The following SLC30A7 variants were observed in gnomAD, a reference collection of about 807,000 sequenced individuals.
SLC30A7 encodes solute carrier family 30 member 7.
A neutral mutation model predicts 46.0 loss-of-function variants in SLC30A7; 35 were observed. The observed-to-expected ratio is 0.76, with a 90% CI of 0.58 to 1.01. The LOEUF is 1.01. Ranked by LOEUF, SLC30A7 falls within the 50% of genes least tolerant of loss-of-function variation. The pLI is 0.00. For missense variants in SLC30A7, 464 were observed against 451.1 expected, an observed-to-expected ratio of 1.03 and a Z score of -0.26; for synonymous variants, 147 against 157.8, an observed-to-expected ratio of 0.93 and a Z score of 0.51.
intron 8 of SLC30A7, among the ~76,000 whole-genome samples, chr1:100,925,725 T>A (rs968107679): frequency 9.2e-5 from 14 of 152,180 alleles, no homozygotes; most frequent in African/African-American, 3.4e-4. Flanking sequence ...TTTTTATTTT[T>A]AAAGAGGACT....
intron 2 of SLC30A7, among the ~76,000 whole-genome samples, chr1:100,900,316 G>C (rs1423235887): frequency 6.6e-6 from 1 of 152,154 alleles, no homozygotes; most frequent in Non-Finnish European, 1.5e-5. Flanking sequence ...TAATGTCTTT[G>C]TGTTAACAAA....
At chr1:100,896,443 C>A (rs1342489203) in intron 1 of SLC30A7, 101 bp downstream of exon 1, 1 of 1,440,352 alleles carries the variant, frequency 6.9e-7, no homozygotes, top group Non-Finnish European at 9.8e-7. Flanking sequence ...GTCAAAAACT[C>A]CCCGTCAACC....
intron 10 of SLC30A7, among the ~76,000 whole-genome samples, chr1:100,968,023 T>C (rs1338182793): frequency 6.6e-6 from 1 of 152,170 alleles, no homozygotes; most frequent in Non-Finnish European, 1.5e-5. Flanking sequence ...ATGTTTAATT[T>C]TCAAATGTTT....
rs1334969887 is a variant in SLC30A7, at chr1:100,976,367, A to T, written c.*1510A>T. The T allele has an allele frequency of 2.0e-5, 3 of 152,194 alleles. No homozygotes were observed. The highest frequency in any genetic ancestry group is 7.2e-5 in the African/African-American group (3 of 41,430). The allele number at this position is 152,194 out of a possible 1,614,324, so 9.4% of individuals were successfully genotyped here. A position where few individuals can be genotyped will look rare whatever the true frequency, so the allele number is the denominator to read the frequency against. On this transcript the variant is annotated 3_prime_UTR_variant, in exon 11 of 11. Transcript: ENST00000357650. ...CTAAAGCAGCATTTTATTGAGTTTG[A>T]ATTATTAAAGGTACAGAGGAAATGT...
intron 8 of SLC30A7, among the ~76,000 whole-genome samples, chr1:100,958,986 AAAG>A (rs1409033372): frequency 6.6e-6 from 1 of 152,214 alleles, no homozygotes; most frequent in Admixed American, 6.5e-5. Flanking sequence ...TTGAAATTTT[AAAG>A]AAGGAGTGTA....
intron 8 of SLC30A7, among the ~76,000 whole-genome samples, chr1:100,956,208 T>G (rs2101077439): frequency 6.6e-6 from 1 of 152,278 alleles, no homozygotes; most frequent in Admixed American, 6.5e-5. Context: ...ATTAAAATGT[T>G]TATCTACATA....
chr1:100,912,808 G>A, intron 5 of SLC30A7, among the ~76,000 whole-genome samples: 1 of 151,890 alleles, frequency 6.6e-6, no homozygotes, highest in African/African-American at 2.4e-5. Flanking sequence ...AGCCCGGGAG[G>A]TGGAGGTTGC....
intron 10 of SLC30A7, among the ~76,000 whole-genome samples, chr1:100,972,069 G>T (rs1656191749): frequency 6.6e-6 from 1 of 152,064 alleles, no homozygotes; most frequent in Admixed American, 6.6e-5. Flanking sequence ...GTACTATATG[G>T]TTTTCACATT....
chr1:100,929,217 C>T lies in SLC30A7; in HGVS notation c.842+7376C>T, dbSNP rs1035976085. Among the ~76,000 whole-genome samples the T allele has an allele frequency of 6.6e-5, 10 of 151,962 alleles. No homozygotes were observed. The East Asian group carries it at 1.2e-3, about 18-fold the overall frequency. On this transcript the variant is annotated intron_variant, in intron 8 of 10. Coordinates refer to ENST00000357650, the MANE Select transcript of SLC30A7 (RefSeq NM_133496.5). ...TCTGGGTAGTGTAATTTTAAAATTA[C>T]ATCTCTTGCCTAATTTCTCTATGGT... is the stretch of plus-strand genomic sequence containing the variant.
At chr1:100,943,186 C>A (rs1654452094) in intron 8 of SLC30A7, among the ~76,000 whole-genome samples, 1 of 152,186 alleles carries the variant, frequency 6.6e-6, no homozygotes, top group Non-Finnish European at 1.5e-5. Context: ...CATTTGCAAA[C>A]CCCAGGTTAG....
intron 7 of SLC30A7, among the ~76,000 whole-genome samples, chr1:100,919,337 T>C (rs756491359): frequency 7.9e-5 from 12 of 152,166 alleles, no homozygotes; most frequent in Non-Finnish European, 1.3e-4. Flanking sequence ...CTACTTGCCT[T>C]TATTAACTTT....
downstream of SLC30A7, chr1:100,981,875 A>C (rs931827240): frequency 6.6e-6 from 1 of 152,254 alleles, no homozygotes; most frequent in Non-Finnish European, 1.5e-5. Flanking sequence ...CTCAGAGCCA[A>C]GAAACAGCAG....
intron 7 of SLC30A7, among the ~76,000 whole-genome samples, chr1:100,918,659 A>G (rs576114357): frequency 6.6e-6 from 1 of 152,268 alleles, no homozygotes; most frequent in East Asian, 1.9e-4. Flanking sequence ...TGCCTACCTT[A>G]AATGTGCTCA....
At chr1:100,987,613 T>G in the SLC30A7 span, among the ~76,000 whole-genome samples, 3 of 151,744 alleles carry the variant, frequency 2.0e-5, no homozygotes, top group Admixed American at 6.6e-5. Context: ...AATCCTTGTC[T>G]GCCAATTCCA....
At chr1:100,967,634 C>T (rs981769108) in intron 10 of SLC30A7, among the ~76,000 whole-genome samples, 4 of 152,174 alleles carry the variant, frequency 2.6e-5, no homozygotes, top group East Asian at 3.8e-4. Flanking sequence ...CTACCAAAAA[C>T]GTTTCACTTG....
rs1656443322 is a variant in SLC30A7 at position 100,975,814 on chromosome 1, C to T, written c.*957C>T. 6.8e-6 allele frequency: 1 copy of T among 146,536 alleles called. No homozygotes were observed. The highest frequency in any genetic ancestry group is 1.5e-5 in the Non-Finnish European group (1 of 67,298). The allele number at this position is 146,536 out of a possible 1,614,324, so 9.1% of individuals were successfully genotyped here. A position where few individuals can be genotyped will look rare whatever the true frequency, so the allele number is the denominator to read the frequency against. On this transcript the variant is annotated 3_prime_UTR_variant, in exon 11 of 11. Transcript: ENST00000357650. Reference sequence around the variant, plus strand: ...GTGCTGGGATTACAGGTGTGAGCCACCACGCCCGGCTATGTTTTTTTTTTT... The same window carrying T: ...GTGCTGGGATTACAGGTGTGAGCCATCACGCCCGGCTATGTTTTTTTTTTT...
At position 100,896,574 on chromosome 1, in the gene SLC30A7, A is replaced by T; in HGVS notation, c.85A>T (p.Ile29Leu). Residue 29 changes from isoleucine to leucine, a missense_variant, in exon 2 of 11, where the codon ATA (isoleucine) becomes TTA (leucine). Physicochemically the swap from Ile to Leu is conservative, Grantham distance 5. Coordinates refer to ENST00000357650, the MANE Select transcript of SLC30A7 (RefSeq NM_133496.5). ...FGKISGWFRS[I>L]LSDKTSRNLF... ...TTCCACGTGTATCATTCCCAGGTCT[A>T]TACTGTCCGACAAGACTTCCCGGAA... The T allele has an allele frequency of 6.2e-7, 1 of 1,613,866 alleles. No homozygotes were observed. Among genetic ancestry groups the T allele is most frequent in the Non-Finnish European group, 8.5e-7 (1 of 1,179,846 alleles).
intron 8 of SLC30A7, among the ~76,000 whole-genome samples, chr1:100,927,668 T>C (rs1653395204): frequency 6.6e-6 from 1 of 152,160 alleles, no homozygotes; most frequent in African/African-American, 2.4e-5. Flanking sequence ...GTAAGAGGTA[T>C]GGAATAGACA....
chr1:100,995,455 T>C, the SLC30A7 span: 2 of 220,850 alleles, frequency 9.1e-6, no homozygotes, highest in African/African-American at 4.5e-5. Context: ...ATCACAATCT[T>C]TGTTTTCATT....
Sources: gnomAD v4.1 joint callset for allele counts (sites outside exome capture counted in the v4.1 genomes callset) on GRCh38, gnomAD v4.1.1 for gene constraint, MANE v1.5 for transcripts, NCBI Gene and HGNC (gene_info 2026-07-23, HGNC 2026-07-21) for gene names.